TAF2: variants seen among roughly 807,000 people sequenced by gnomAD.
TAF2 encodes the protein transcription initiation factor TFIID subunit 2.
Under a neutral mutation model 138.5 loss-of-function variants are expected in TAF2, and 61 were observed. That is an observed-to-expected ratio of 0.44 (90% confidence interval 0.36 to 0.54). The LOEUF (loss-of-function observed/expected upper bound fraction) is 0.54. Among genes scored for constraint, TAF2 ranks in the 20% least tolerant of loss-of-function variants. The pLI is 0.00. For missense variants in TAF2, 1,090 were observed against 1,427.9 expected, an observed-to-expected ratio of 0.76 and a Z score of 3.81; for synonymous variants, 475 against 469.9, an observed-to-expected ratio of 1.01 and a Z score of -0.14.
intron 23 of TAF2, 96 bp from the exon 24 acceptor site, chr8:119,744,489 G>A (rs1424130998): frequency 1.0e-6 from 1 of 954,334 alleles, no homozygotes; most frequent in Non-Finnish European, 1.7e-6. Flanking sequence ...AGAGGCCATA[G>A]GATATACCCC....
chr8:119,770,362 G>A (rs1025801371), intron 18 of TAF2, among the ~76,000 whole-genome samples: 4 of 152,030 alleles, frequency 2.6e-5, no homozygotes, highest in Non-Finnish European at 4.4e-5. Context: ...AGAAAGAAGT[G>A]TCAAATCACC....
At chr8:119,742,719 A>T (rs897421857) in intron 24 of TAF2, 63 bp from the exon 25 acceptor site, 2 of 1,584,856 alleles carry the variant, frequency 1.3e-6, no homozygotes, top group Non-Finnish European at 1.7e-6. Context: ...AGAAAAAAAA[A>T]GGCTGACAGG....
intron 3 of TAF2, among the ~76,000 whole-genome samples, chr8:119,813,394 A>G (rs1267039014): frequency 6.6e-6 from 1 of 152,234 alleles, no homozygotes; most frequent in Non-Finnish European, 1.5e-5. Context: ...TCTTGAGGAC[A>G]GTGGATATTT....
intron 18 of TAF2, among the ~76,000 whole-genome samples, chr8:119,764,617 G>T (rs1396275863): frequency 1.3e-5 from 2 of 152,118 alleles, no homozygotes; most frequent in Non-Finnish European, 2.9e-5. Context: ...CTCAATTTCT[G>T]TGTCTTACTT....
At chr8:119,784,602 A>AT (rs940746966) in intron 15 of TAF2, among the ~76,000 whole-genome samples, 4 of 152,268 alleles carry the variant, frequency 2.6e-5, no homozygotes, top group African/African-American at 4.8e-5. Flanking sequence ...CAGAGGTTTT[A>AT]TAAAAAATAT....
intron 25 of TAF2, among the ~76,000 whole-genome samples, chr8:119,733,780 GC>G (rs112007210): frequency 0.02 from 3,021 of 149,154 alleles, 36 homozygotes; most frequent in African/African-American, 0.029. Context: ...TCTTAAATCC[GC>G]CCCCCCCCAT....
intron 18 of TAF2, among the ~76,000 whole-genome samples, chr8:119,776,362 T>TC (rs1441669501): frequency 5.3e-5 from 8 of 151,726 alleles, no homozygotes; most frequent in Admixed American, 3.9e-4. Flanking sequence ...TTTTTTTTTT[T>TC]TTACTGTTGT....
intron 18 of TAF2, among the ~76,000 whole-genome samples, chr8:119,767,846 G>C (rs1327160764): frequency 6.6e-6 from 1 of 152,182 alleles, no homozygotes; most frequent in African/African-American, 2.4e-5. Flanking sequence ...CCAGTGTAGT[G>C]AGAGCCCAGC....
chr8:119,826,758 T>G (rs1438229016), intron 2 of TAF2, among the ~76,000 whole-genome samples: 1 of 152,052 alleles, frequency 6.6e-6, no homozygotes, highest in Non-Finnish European at 1.5e-5. Context: ...ACTCAGCTAA[T>G]TTTTTTGTAT....
Position 119,765,548 on chromosome 8 carries a change from A to G in TAF2, c.2365-2940T>C, listed in dbSNP as rs77730703. ...TGCAACTTCACGGTAAAGGGGTACAAAGCTGGAGGGGTGGACTGGGACCAC... is the reference window on the plus strand; with the variant it reads ...TGCAACTTCACGGTAAAGGGGTACAGAGCTGGAGGGGTGGACTGGGACCAC... On this transcript the variant is annotated intron_variant, in intron 18 of 25. Transcript: ENST00000378164. Among the ~76,000 whole-genome samples, 460 of 152,330 alleles carry G rather than the reference A, an allele frequency of 3.0e-3. 10 individuals carry two copies. Among genetic ancestry groups the G allele is most frequent in the Admixed American group, 0.015 (237 of 15,304 alleles).
intron 8 of TAF2, among the ~76,000 whole-genome samples, chr8:119,796,612 T>C (rs1241222752): frequency 6.6e-6 from 1 of 152,120 alleles, no homozygotes; most frequent in Non-Finnish European, 1.5e-5. Flanking sequence ...ATTTAAGTTC[T>C]TTTATTTATA....
At chr8:119,781,298 T>G (rs2131134599) in intron 16 of TAF2, 105 bp from the exon 17 acceptor site, 1 of 1,237,330 alleles carries the variant, frequency 8.1e-7, no homozygotes, top group South Asian at 1.3e-5. Context: ...GATTGGGTTT[T>G]CAACAACTTC....
chr8:119,758,178 T>C (rs776027646), intron 20 of TAF2, 36 bp from the exon 21 acceptor site: 67 of 1,493,244 alleles, frequency 4.5e-5, no homozygotes, highest in East Asian at 2.3e-5. Context: ...TTGTTAATTA[T>C]AACAAATTAA....
intron 2 of TAF2, among the ~76,000 whole-genome samples, chr8:119,828,973 T>C (rs1826267528): frequency 6.6e-6 from 1 of 152,190 alleles, no homozygotes; most frequent in Non-Finnish European, 1.5e-5. Flanking sequence ...TCAAGTAACA[T>C]TTCACTTAAA....
chr8:119,764,289 T>G (rs1441096077), intron 18 of TAF2, among the ~76,000 whole-genome samples: 1 of 152,236 alleles, frequency 6.6e-6, no homozygotes, highest in African/African-American at 2.4e-5. Context: ...ATTGTAGTTA[T>G]TATTTGCATT....
Position 119,793,389 on chromosome 8 carries a change from A to C in TAF2, c.1254T>G (p.Phe418Leu), listed in dbSNP as rs1250629222. ...KTGGVLLHPI[F>L]GGGKEKDNPA... ...ACTTATCCTTCTCTTTTCCTCCACC[A>C]AATATGGGATGTAGTAAAACCCCAC... is the stretch of plus-strand genomic sequence containing the variant. The change falls in exon 10 of 26, where the codon TTT (phenylalanine) becomes TTG (leucine). Residue 418 changes from phenylalanine (F) to leucine (L), a missense_variant. Physicochemically the swap from Phe to Leu is conservative, Grantham distance 22. This residue lies in a region of TAF2 where 504 missense variants were observed against 680.9 expected (regional missense o/e 0.74). Transcript: ENST00000378164. The C allele has an allele frequency of 2.5e-6, 4 of 1,612,968 alleles. No individual in the cohort carries two copies. The highest frequency in any genetic ancestry group is 3.4e-6 in the Non-Finnish European group (4 of 1,179,346).
rs775912296 is a variant in TAF2 at position 119,732,009 on chromosome 8, T to G, written c.3515A>C (p.Asp1172Ala). 6.2e-7 allele frequency: 1 copy of G among 1,614,224 alleles called. No individual in the cohort carries two copies. The highest frequency in any genetic ancestry group is 1.1e-5 in the South Asian group (1 of 91,082). Reference protein sequence around the residue: ...KHKHKHKHKHDSKEKDKEPFT... With the variant: ...KHKHKHKHKHASKEKDKEPFT... ...AGGCTCCTTGTCCTTTTCTTTACTGTCATGCTTATGCTTGTGTTTGTGCTT... is the reference window on the plus strand; with the variant it reads ...AGGCTCCTTGTCCTTTTCTTTACTGGCATGCTTATGCTTGTGTTTGTGCTT... Residue 1172 changes from aspartate to alanine, a missense_variant, in exon 26 of 26, where the codon GAC becomes GCC. Asp to Ala is a moderately radical substitution (Grantham distance 126). Transcript: ENST00000378164.
At chr8:119,793,340 A>G (rs1823574552) in intron 10 of TAF2, 26 bp downstream of exon 10, 2 of 1,565,250 alleles carry the variant, frequency 1.3e-6, no homozygotes, top group South Asian at 1.1e-5. Flanking sequence ...AAGGTTTATA[A>G]TATCATCTCT....
At chr8:119,754,798 T>G (rs1048405831) in intron 22 of TAF2, among the ~76,000 whole-genome samples, 1 of 152,178 alleles carries the variant, frequency 6.6e-6, no homozygotes, top group African/African-American at 2.4e-5. Context: ...CTTTAAACCA[T>G]TATTACAATT....
Sources: gnomAD v4.1 joint callset for allele counts (sites outside exome capture counted in the v4.1 genomes callset) on GRCh38, gnomAD v4.1.1 for gene constraint, gnomAD v4.1.1 regional missense constraint, MANE v1.5 for transcripts, NCBI Gene and HGNC (gene_info 2026-07-23, HGNC 2026-07-21) for gene names.